The following SHANK1 variants were observed in gnomAD, a reference collection of about 807,000 sequenced individuals.
SHANK1 encodes the protein SH3 and multiple ankyrin repeat domains protein 1.
Under a neutral mutation model 165.6 loss-of-function variants are expected in SHANK1, and 35 were observed. The observed-to-expected ratio is 0.21, with a 90% CI of 0.16 to 0.28. The LOEUF is 0.28. SHANK1 is among the 10% of genes least tolerant of loss of function. The pLI is 1.00. For missense variants in SHANK1, 2,681 were observed against 3,036.4 expected (o/e 0.88, Z 2.75); for synonymous variants, 1,428 against 1,384.8 (o/e 1.03, Z -0.69).
chr19:50,684,633 C>A (rs1986278690), intron 21 of SHANK1, among the ~76,000 whole-genome samples: 1 of 152,184 alleles, frequency 6.6e-6, no homozygotes, highest in Admixed American at 6.5e-5. Flanking sequence ...CCTATGTCTT[C>A]ATTTTCATCA....
chr19:50,719,731 G>A lies in SHANK1; in HGVS notation c.-369C>T, dbSNP rs935191174. ...CCTGCTCTTCCTCCTCCTCTTCCTCGGGCCGCCGCCGCCGCCGCCCGCTCC... is the reference window on the plus strand; with the variant it reads ...CCTGCTCTTCCTCCTCCTCTTCCTCAGGCCGCCGCCGCCGCCGCCCGCTCC... On this transcript the variant is annotated 5_prime_UTR_variant, in exon 1 of 24. Coordinates refer to ENST00000293441, the MANE Select transcript of SHANK1 (RefSeq NM_016148.5). Among the ~76,000 whole-genome samples, 1 of 147,596 alleles carries A rather than the reference G, an allele frequency of 6.8e-6. No individual in the cohort carries two copies. Among genetic ancestry groups the A allele is most frequent in the East Asian group, 2.0e-4 (1 of 4,948 alleles).
rs1021121249 is a variant in SHANK1, at chr19:50,718,635, G to A, written c.-44+771C>T. On this transcript the variant is annotated intron_variant, in intron 1 of 23. Coordinates refer to ENST00000293441, the MANE Select transcript of SHANK1 (RefSeq NM_016148.5). The surrounding 1 kb of genome is among the most constrained non-coding windows in gnomAD (Gnocchi z 5.1). ...CTGAGGAATCGGCGAGGGGGGTGGTGGAGGACGCGAGAGAGGGGGTGCCCT... is the reference window on the plus strand; with the variant it reads ...CTGAGGAATCGGCGAGGGGGGTGGTAGAGGACGCGAGAGAGGGGGTGCCCT... Among the ~76,000 whole-genome samples, 1 of 151,904 alleles carries A rather than the reference G, an allele frequency of 6.6e-6. No individual in the cohort carries two copies. Among genetic ancestry groups the A allele is most frequent in the East Asian group, 1.9e-4 (1 of 5,164 alleles).
In SHANK1 at chr19:50,690,668, T is replaced by C. The variant is rs556106269; in HGVS notation, c.1965-1389A>G. On this transcript the variant is annotated intron_variant, in intron 15 of 23. Transcript: ENST00000293441. This position sits in a 1 kb window ranked among gnomAD's most constrained non-coding sequence, Gnocchi z 4.9. The stretch of plus-strand genomic sequence containing the variant: ...TAGCCAAGCATGCTCCCCAATTACC[T>C]GCCCCCACAAATTCAGCAAAACAGC... Among the ~76,000 whole-genome samples the C allele has an allele frequency of 5.5e-4, 84 of 152,110 alleles. No individual in the cohort carries two copies. Among genetic ancestry groups the C allele is most frequent in the African/African-American group, 2.0e-3 (83 of 41,474 alleles).
At chr19:50,678,790 GATGGGGAGGGGTCAAGATGA>G in intron 21 of SHANK1, among the ~76,000 whole-genome samples, 1 of 20,534 alleles carries the variant, frequency 4.9e-5, no homozygotes, top group African/African-American at 3.6e-4. Flanking sequence ...GGGTCAGGGT[GATGGGGAGGGGTCAAGATGA>G]TGGGGAGGGG....
chr19:50,673,710 T>C (rs987647046), intron 21 of SHANK1, among the ~76,000 whole-genome samples: 1 of 151,966 alleles, frequency 6.6e-6, no homozygotes, highest in Non-Finnish European at 1.5e-5. Context: ...TTAGGGGAAG[T>C]GTTTTCATTT....
intron 8 of SHANK1, among the ~76,000 whole-genome samples, chr19:50,707,891 CTTT>C (rs778877334): frequency 3.5e-4 from 2 of 5,686 alleles, no homozygotes; most frequent in South Asian, 3.0e-3. Flanking sequence ...CTTTTCTTTT[CTTT>C]TCTTTTCTTT....
Position 50,672,054 on chromosome 19 carries a change from G to A in SHANK1, c.2638C>T (p.Pro880Ser). 6.2e-7 allele frequency: 1 copy of A among 1,613,946 alleles called. No homozygotes were observed. Residue 880 changes from proline to serine, a missense_variant, in exon 22 of 24, where the codon CCA becomes TCA. Physicochemically the swap from Pro to Ser is moderately conservative, Grantham distance 74 (BLOSUM62 -1). Around this residue, in one of 10 missense-constraint regions of SHANK1, gnomAD observed 206 missense variants for 216.0 expected, o/e 0.95. Transcript: ENST00000293441. Reference protein sequence around the residue: ...PSYERPSFLPPGPGLMLRQKS... With the variant: ...PSYERPSFLPSGPGLMLRQKS... ...TGCCGGAGCATCAACCCAGGTCCTG[G>A]AGGCAGGAAAGAAGGACGCTCGTAA...
intron 21 of SHANK1, among the ~76,000 whole-genome samples, chr19:50,674,881 G>T (rs1204914546): frequency 2.0e-5 from 3 of 152,028 alleles, no homozygotes; most frequent in African/African-American, 7.2e-5. Flanking sequence ...GGCCAACATG[G>T]TGAAATTCCA....
intron 3 of SHANK1, 54 bp from the exon 4 acceptor site, chr19:50,715,784 C>G: frequency 2.0e-6 from 3 of 1,537,270 alleles, no homozygotes; most frequent in Non-Finnish European, 2.7e-6. Flanking sequence ...AATCAGGGGC[C>G]TGGGGAGAAG....
rs138011048 is a variant in SHANK1 at position 50,686,916 on chromosome 19, C to A, written c.2390-104G>T. 6.8e-5 allele frequency: 95 copies of A among 1,389,130 alleles called. 3 individuals are homozygous for A. In the East Asian group the frequency reaches 1.3e-3, roughly 19 times the overall value. 86.1% of individuals were successfully genotyped at this position (1,389,130 alleles called of 1,614,324 possible). A position where few individuals can be genotyped will look rare whatever the true frequency, so the allele number is the denominator to read the frequency against. On this transcript the variant is annotated intron_variant, in intron 19 of 23. Transcript: ENST00000293441. This position sits in a 1 kb window ranked among gnomAD's most constrained non-coding sequence, Gnocchi z 5.7. The stretch of plus-strand genomic sequence containing the variant: ...AGCAGGTGCGGGCCAGTGGGCGTGG[C>A]GGGCGCGAGAGGGGCAGTGAGGGGC...
intron 21 of SHANK1, among the ~76,000 whole-genome samples, chr19:50,679,821 T>C (rs1317177379): frequency 6.8e-6 from 1 of 146,718 alleles, no homozygotes; most frequent in African/African-American, 2.5e-5. Flanking sequence ...GAGACAGACG[T>C]AGAGAGACAG....
chr19:50,669,294 A>G lies in SHANK1; in HGVS notation c.2675-9T>C, dbSNP rs1985704466. On this transcript the variant is annotated splice_polypyrimidine_tract_variant and intron_variant, in intron 22 of 23. Transcript: ENST00000293441. ...GTCATCTTCTGCCGCACCTGGGGAG[A>G]TACAGAGGCTCAAGGAGGGGGACCC... 7 of 1,599,968 alleles carry G rather than the reference A, an allele frequency of 4.4e-6. No individual in the cohort carries two copies. Among genetic ancestry groups the G allele is most frequent in the Non-Finnish European group, 6.0e-6 (7 of 1,171,874 alleles).
rs1300439532 is a variant in SHANK1 at position 50,697,518 on chromosome 19, A to G, written c.1937+71T>C. 1 of 1,152,078 alleles carries G rather than the reference A, an allele frequency of 8.7e-7. No individual in the cohort carries two copies. Among genetic ancestry groups the G allele is most frequent in the East Asian group, 2.3e-5 (1 of 42,692 alleles). The allele number at this position is 1,152,078 out of a possible 1,614,324, so 71.4% of individuals were successfully genotyped here. ...GAAAGGGGGCTTAGAGGTGATGGAA[A>G]TATTTAAAGGTGTACATTGTGAAGG... is the stretch of plus-strand genomic sequence containing the variant. On this transcript the variant is annotated intron_variant, in intron 14 of 23. Coordinates refer to ENST00000293441, the MANE Select transcript of SHANK1 (RefSeq NM_016148.5). This position sits in a 1 kb window ranked among gnomAD's most constrained non-coding sequence, Gnocchi z 4.7.
chr19:50,686,397 TG>T lies in SHANK1; in HGVS notation c.2459-43del, dbSNP rs1986336961. ...GAACAGAGGTGGGAAGACAATGAAA[TG>T]AAGTTTGCTTTGACCCGGGCCGCAA... is the stretch of plus-strand genomic sequence containing the variant. On this transcript the variant is annotated intron_variant, in intron 20 of 23. Transcript: ENST00000293441. The surrounding 1 kb of genome is among the most constrained non-coding windows in gnomAD (Gnocchi z 5.7). 1 of 1,407,434 alleles carries T rather than the reference TG, an allele frequency of 7.1e-7. No homozygotes were observed. Among genetic ancestry groups the T allele is most frequent in the Non-Finnish European group, 9.8e-7 (1 of 1,022,718 alleles). 87.2% of individuals were successfully genotyped at this position (1,407,434 alleles called of 1,614,324 possible).
At position 50,717,102 on chromosome 19, in the gene SHANK1, G is replaced by A. The variant is rs1436647132; in HGVS notation, c.-43-140C>T. 6.3e-5 allele frequency: 38 copies of A among 599,084 alleles called. No individual in the cohort carries two copies. Among genetic ancestry groups the A allele is most frequent in the Non-Finnish European group, 8.9e-5 (35 of 391,972 alleles). 37.1% of individuals were successfully genotyped at this position (599,084 alleles called of 1,614,324 possible). ...CAGGAAGGAGGCTGGACACACCCTC[G>A]GCCTGCACGGCCTCCCCTGCCGCCT... On this transcript the variant is annotated intron_variant, in intron 1 of 23. Coordinates refer to ENST00000293441, the MANE Select transcript of SHANK1 (RefSeq NM_016148.5). The surrounding 1 kb of genome is among the most constrained non-coding windows in gnomAD (Gnocchi z 5.5).
At chr19:50,694,745 G>A (rs1481044070) in intron 15 of SHANK1, among the ~76,000 whole-genome samples, 3 of 148,864 alleles carry the variant, frequency 2.0e-5, no homozygotes, top group Non-Finnish European at 3.0e-5. Flanking sequence ...AGGGATTTCG[G>A]GCTGAGAGAA....
Position 50,697,016 on chromosome 19 carries a change from T to C in SHANK1, c.1964+80A>G. 8.5e-7 allele frequency: 1 copy of C among 1,173,724 alleles called. No homozygotes were observed. The highest frequency in any genetic ancestry group is 2.3e-5 in the East Asian group (1 of 42,788). 72.7% of individuals were successfully genotyped at this position (1,173,724 alleles called of 1,614,324 possible). A position where few individuals can be genotyped will look rare whatever the true frequency, so the allele number is the denominator to read the frequency against. On this transcript the variant is annotated intron_variant, in intron 15 of 23. Transcript: ENST00000293441. The surrounding 1 kb of genome is among the most constrained non-coding windows in gnomAD (Gnocchi z 4.7). The stretch of plus-strand genomic sequence containing the variant: ...CACCAAGAAACCTCAGCTCTGGTCG[T>C]GCACACACGTTCACACGCCCCCCAG...
chr19:50,661,894 A>G lies in SHANK1; in HGVS notation c.*71T>C. The G allele has an allele frequency of 6.6e-7, 1 of 1,523,376 alleles. No homozygotes were observed. Among genetic ancestry groups the G allele is most frequent in the Non-Finnish European group, 9.1e-7 (1 of 1,104,114 alleles). 94.4% of individuals were successfully genotyped at this position (1,523,376 alleles called of 1,614,324 possible). On this transcript the variant is annotated 3_prime_UTR_variant, in exon 24 of 24. Transcript: ENST00000293441. ...CTGGCCCGGGGAGAGAATGACAGTC[A>G]GGGGTCAGAGGTCAAGAGGCCAGCA...
Position 50,666,304 on chromosome 19 carries a change from C to T in SHANK1, c.5656G>A (p.Ala1886Thr). 6.2e-7 allele frequency: 1 copy of T among 1,613,034 alleles called. No individual in the cohort carries two copies. The highest frequency in any genetic ancestry group is 8.5e-7 in the Non-Finnish European group (1 of 1,179,696). The change falls in exon 23 of 24, where the codon GCA becomes ACA. Residue 1886 changes from alanine (A) to threonine (T), a missense_variant. By Grantham distance (58) the Ala-to-Thr change is moderately conservative. Transcript: ENST00000293441. ...GCCCAGGGCAGAGCGCCGCCAGCTG[C>T]CGAGGAGCCCCCAAACTGCTGAAGC... is the stretch of plus-strand genomic sequence containing the variant. ...SKLQQFGGSS[A>T]AGGALPWARG...
Sources: allele counts gnomAD v4.1 joint callset (sites outside exome capture counted in the v4.1 genomes callset), GRCh38; gene constraint gnomAD v4.1.1; regional missense constraint gnomAD v4.1.1; non-coding constraint Gnocchi (gnomAD v3.1); transcripts MANE v1.5; gene names NCBI Gene and HGNC (gene_info 2026-07-23, HGNC 2026-07-21).